Variants in CATSPERT observed in about 807,000 individuals in gnomAD.
CATSPERT encodes the protein catsper channel auxiliary subunit tau.
chr2:201,597,741 C>T, the CATSPERT span, among the ~76,000 whole-genome samples: 10 of 152,102 alleles, frequency 6.6e-5, no homozygotes, highest in South Asian at 8.3e-4. Flanking sequence ...TTAGAGCAGA[C>T]GAGTGAGTCC....
chr2:201,524,517 C>A, the CATSPERT span, among the ~76,000 whole-genome samples: 1 of 152,272 alleles, frequency 6.6e-6, no homozygotes, highest in Non-Finnish European at 1.5e-5. Flanking sequence ...ACCAAAAAAA[C>A]ATATTTAAGT....
the CATSPERT span, among the ~76,000 whole-genome samples, chr2:201,593,079 G>T: frequency 6.6e-6 from 1 of 151,852 alleles, no homozygotes; most frequent in Non-Finnish European, 1.5e-5. Flanking sequence ...ATGTTAGGGT[G>T]TCAATTTTAG....
chr2:201,572,009 A>C, the CATSPERT span: 3 of 1,612,184 alleles, frequency 1.9e-6, no homozygotes, highest in Non-Finnish European at 2.5e-6. Flanking sequence ...TAATTTTCTG[A>C]AGAGGTTTTA....
At chr2:201,512,327 A>T in the CATSPERT span, among the ~76,000 whole-genome samples, 2 of 152,206 alleles carry the variant, frequency 1.3e-5, no homozygotes, top group African/African-American at 4.8e-5. Context: ...CAATAGTAAC[A>T]TCTTTCAAAA....
the CATSPERT span, among the ~76,000 whole-genome samples, chr2:201,544,093 G>A: frequency 6.6e-6 from 1 of 152,096 alleles, no homozygotes; most frequent in Non-Finnish European, 1.5e-5. Flanking sequence ...CCACCTATGA[G>A]TGAGAACATG....
the CATSPERT span, chr2:201,545,653 A>AAC: frequency 1.3e-6 from 1 of 794,266 alleles, no homozygotes; most frequent in Non-Finnish European, 1.8e-6. Flanking sequence ...AAAAAAAAAA[A>AAC]GAAAAAAAAA....
At chr2:201,601,409 T>C in the CATSPERT span, among the ~76,000 whole-genome samples, 60 of 149,490 alleles carry the variant, frequency 4.0e-4, 1 homozygote, top group South Asian at 6.4e-3. Flanking sequence ...GGAAAGGAGA[T>C]GGGAAAAACT....
chr2:201,605,055 T>TACAC, the CATSPERT span, among the ~76,000 whole-genome samples: 596 of 119,012 alleles, frequency 5.0e-3, 3 homozygotes, highest in Admixed American at 7.9e-3. Flanking sequence ...AATATATATA[T>TACAC]ACATACACAC....
At chr2:201,599,735 TTAAA>T in the CATSPERT span, among the ~76,000 whole-genome samples, 1 of 152,196 alleles carries the variant, frequency 6.6e-6, no homozygotes, top group Non-Finnish European at 1.5e-5. Context: ...CAGTACCTAT[TTAAA>T]TAAATACAGG....
the CATSPERT span, among the ~76,000 whole-genome samples, chr2:201,497,278 C>G: frequency 2.6e-5 from 4 of 152,158 alleles, no homozygotes; most frequent in African/African-American, 4.8e-5. Context: ...TTGCCAGTAT[C>G]GTTCCTCTCC....
the CATSPERT span, among the ~76,000 whole-genome samples, chr2:201,526,306 G>T: frequency 6.6e-6 from 1 of 151,998 alleles, no homozygotes; most frequent in Non-Finnish European, 1.5e-5. Context: ...ATCACTTGAG[G>T]TCAGGGTTTG....
chr2:201,575,427 C>A, the CATSPERT span: 1 of 802,556 alleles, frequency 1.2e-6, no homozygotes, highest in Admixed American at 3.6e-5. Flanking sequence ...TGGACTGGTG[C>A]TGGTCCATGG....
At chr2:201,513,243 A>C in the CATSPERT span, among the ~76,000 whole-genome samples, 1 of 152,192 alleles carries the variant, frequency 6.6e-6, no homozygotes, top group Non-Finnish European at 1.5e-5. Context: ...TTGAACAAAC[A>C]AAAAACAATC....
chr2:201,493,653 A>G, the CATSPERT span: 8 of 1,537,166 alleles, frequency 5.2e-6, no homozygotes, highest in Admixed American at 2.0e-5. Flanking sequence ...TCCAAGGTGT[A>G]GGTAATTGAT....
chr2:201,532,415 T>TCCACTAACATGAAGAATTCCACTAACATG, the CATSPERT span, among the ~76,000 whole-genome samples: 1 of 152,174 alleles, frequency 6.6e-6, no homozygotes, highest in Non-Finnish European at 1.5e-5. Context: ...GAGGTGAAAT[T>TCCACTAACATGAAGAATTCCACTAACATG]AAGAATTCAG....
At chr2:201,592,644 T>G in the CATSPERT span, among the ~76,000 whole-genome samples, 1 of 151,900 alleles carries the variant, frequency 6.6e-6, no homozygotes, top group Admixed American at 6.6e-5. Context: ...TATTGATTAT[T>G]GCCACAATTT....
At chr2:201,597,621 G>A in the CATSPERT span, among the ~76,000 whole-genome samples, 1 of 152,122 alleles carries the variant, frequency 6.6e-6, no homozygotes, top group South Asian at 2.1e-4. Flanking sequence ...TGCTGTAAAT[G>A]TGGAGCTCAC....
the CATSPERT span, among the ~76,000 whole-genome samples, chr2:201,558,687 T>C: frequency 2.0e-5 from 3 of 152,192 alleles, no homozygotes; most frequent in Non-Finnish European, 2.9e-5. Flanking sequence ...GGAATTCACA[T>C]AGCTGCATTG....
chr2:201,546,918 C>A, the CATSPERT span, among the ~76,000 whole-genome samples: 1 of 151,966 alleles, frequency 6.6e-6, no homozygotes, highest in South Asian at 2.1e-4. Flanking sequence ...TGTGGCATAT[C>A]CAAATAATAG....
Sources: allele counts gnomAD v4.1 joint callset (sites outside exome capture counted in the v4.1 genomes callset), GRCh38; gene constraint gnomAD v4.1.1; transcripts MANE v1.5; gene names NCBI Gene and HGNC (gene_info 2026-07-23, HGNC 2026-07-21).